Variants in TMEM71 observed in about 807,000 individuals in gnomAD.
TMEM71 encodes the protein transmembrane protein 71.
Under a neutral mutation model 38.0 loss-of-function variants are expected in TMEM71, and 44 were observed. The observed-to-expected ratio is 1.16, with a 90% CI of 0.91 to 1.49. TMEM71 has a LOEUF of 1.49. Among genes scored for constraint, TMEM71 ranks in the 40% most tolerant of loss-of-function variants. The pLI, the probability that TMEM71 is intolerant of heterozygous loss-of-function variation, is 0.00. For synonymous variants in TMEM71, 133 were observed against 122.5 expected, an observed-to-expected ratio of 1.09 and a Z score of -0.56; for missense variants, 367 against 348.6, an observed-to-expected ratio of 1.05 and a Z score of -0.42.
chr8:132,739,184 G>C (rs908299181), intron 5 of TMEM71, among the ~76,000 whole-genome samples: 1 of 152,104 alleles, frequency 6.6e-6, no homozygotes, highest in Non-Finnish European at 1.5e-5. Context: ...TTGCTCTTTC[G>C]GCCTGCACTA....
At chr8:132,733,227 G>A (rs560987424) in intron 5 of TMEM71, among the ~76,000 whole-genome samples, 3 of 152,108 alleles carry the variant, frequency 2.0e-5, no homozygotes, top group Non-Finnish European at 2.9e-5. Context: ...TGAGAAAAAG[G>A]TCACTTCATC....
chr8:132,760,405 G>C (rs1829263616), intron 1 of TMEM71, 71 bp downstream of exon 1: 1 of 152,250 alleles, frequency 6.6e-6, no homozygotes, highest in Non-Finnish European at 1.5e-5. Flanking sequence ...GGACTGAGCA[G>C]TTCCTCGGCT....
At chr8:132,746,311 T>C (rs1244297073) in intron 5 of TMEM71, among the ~76,000 whole-genome samples, 1 of 148,838 alleles carries the variant, frequency 6.7e-6, no homozygotes, top group Non-Finnish European at 1.5e-5. Flanking sequence ...GTATTGAATA[T>C]ATATTATATT....
intron 7 of TMEM71, among the ~76,000 whole-genome samples, chr8:132,716,657 T>G (rs1826552029): frequency 6.6e-6 from 1 of 152,188 alleles, no homozygotes; most frequent in Non-Finnish European, 1.5e-5. Context: ...ATTCAAGGAT[T>G]TTGGTATCTG....
At chr8:132,737,228 C>T (rs929270431) in intron 5 of TMEM71, among the ~76,000 whole-genome samples, 13 of 152,088 alleles carry the variant, frequency 8.5e-5, no homozygotes, top group Non-Finnish European at 1.6e-4. Flanking sequence ...GAATTGTATA[C>T]GTTAAGTTGG....
chr8:132,716,974 T>C (rs552352636), intron 7 of TMEM71, among the ~76,000 whole-genome samples: 70 of 152,312 alleles, frequency 4.6e-4, no homozygotes, highest in Middle Eastern at 3.4e-3. Context: ...AAAACAATCT[T>C]GAGGAAGGAA....
the TMEM71 span, among the ~76,000 whole-genome samples, chr8:132,772,715 A>C: frequency 6.6e-6 from 1 of 152,244 alleles, no homozygotes; most frequent in African/African-American, 2.4e-5. Flanking sequence ...TAATATAAAA[A>C]ATTTATGAAA....
intron 5 of TMEM71, among the ~76,000 whole-genome samples, chr8:132,728,900 T>C (rs11780098): frequency 0.022 from 3,349 of 152,334 alleles, 58 homozygotes; most frequent in Non-Finnish European, 0.031. Flanking sequence ...ATTCTGCCTC[T>C]ATAAAATACA....
intron 5 of TMEM71, 73 bp downstream of exon 5, chr8:132,746,869 G>T: frequency 1.6e-6 from 2 of 1,280,574 alleles, no homozygotes; most frequent in Non-Finnish European, 2.1e-6. Flanking sequence ...ACTGACATTG[G>T]TTGAGGACCA....
chr8:132,767,442 T>G, the TMEM71 span, among the ~76,000 whole-genome samples: 1 of 152,002 alleles, frequency 6.6e-6, no homozygotes, highest in Non-Finnish European at 1.5e-5. Flanking sequence ...TCAATATTCA[T>G]GCTTATAATT....
upstream of TMEM71, among the ~76,000 whole-genome samples, chr8:132,762,128 C>T (rs1829307898): frequency 1.3e-5 from 2 of 152,242 alleles, no homozygotes; most frequent in African/African-American, 4.8e-5. Context: ...GATGCATAGT[C>T]CTAACACAGG....
rs1462947732 is a variant in TMEM71, at chr8:132,746,476, C to CATATAT, written c.487+460_487+465dup. 4.1e-4 allele frequency among the ~76,000 whole-genome samples: 6 copies of CATATAT among 14,498 alleles called. No homozygotes were observed. The South Asian group carries it at 0.016, about 39-fold the overall frequency. The allele number at this position is 14,498 out of a possible 152,430, so 9.5% of individuals were successfully genotyped here. A position where few individuals can be genotyped will look rare whatever the true frequency, so the allele number is the denominator to read the frequency against. On this transcript the variant is annotated intron_variant, in intron 5 of 9. Transcript: ENST00000677595. ...ACATATATATATACATATATATATA[C>CATATAT]ATATATATATACATATATATACATA...
intron 5 of TMEM71, among the ~76,000 whole-genome samples, chr8:132,735,347 T>C (rs772743696): frequency 6.6e-5 from 10 of 152,230 alleles, no homozygotes; most frequent in Non-Finnish European, 1.3e-4. Flanking sequence ...AATGTTTGAT[T>C]GCATCCATTG....
At chr8:132,721,688 A>C (rs2131033912) in intron 7 of TMEM71, among the ~76,000 whole-genome samples, 1 of 151,838 alleles carries the variant, frequency 6.6e-6, no homozygotes, top group East Asian at 1.9e-4. Context: ...CTGGCATTAC[A>C]GGCATGAGCC....
upstream of TMEM71, among the ~76,000 whole-genome samples, chr8:132,764,207 A>G (rs1829336142): frequency 6.6e-6 from 1 of 152,214 alleles, no homozygotes; most frequent in African/African-American, 2.4e-5. Context: ...GGCTCCAGCT[A>G]CATCAAATCA....
At chr8:132,730,771 C>T (rs949721429) in intron 5 of TMEM71, among the ~76,000 whole-genome samples, 1 of 152,040 alleles carries the variant, frequency 6.6e-6, no homozygotes, top group East Asian at 1.9e-4. Flanking sequence ...ATATGAATAT[C>T]GACTGGGCAA....
At chr8:132,748,681 T>C (rs1828525120) in intron 4 of TMEM71, among the ~76,000 whole-genome samples, 1 of 152,254 alleles carries the variant, frequency 6.6e-6, no homozygotes, top group Non-Finnish European at 1.5e-5. Context: ...TTTATTATCA[T>C]ATTCATTAAT....
chr8:132,738,873 C>T (rs1420693122), intron 5 of TMEM71, among the ~76,000 whole-genome samples: 1 of 152,054 alleles, frequency 6.6e-6, no homozygotes, highest in Admixed American at 6.6e-5. Context: ...CACACACACA[C>T]ACACACAGGA....
intron 7 of TMEM71, 101 bp downstream of exon 7, chr8:132,721,939 G>T: frequency 1.0e-6 from 1 of 1,000,074 alleles, no homozygotes; most frequent in Non-Finnish European, 1.6e-6. Flanking sequence ...CAACCACAGA[G>T]CTACCTAAAA....
Sources: allele counts gnomAD v4.1 joint callset (sites outside exome capture counted in the v4.1 genomes callset), GRCh38; gene constraint gnomAD v4.1.1; transcripts MANE v1.5; gene names NCBI Gene and HGNC (gene_info 2026-07-23, HGNC 2026-07-21).